The following NBEAL1 variants were observed in gnomAD, a reference collection of about 807,000 sequenced individuals.
The protein encoded by NBEAL1 is neurobeachin like 1.
NBEAL1 carries 273 observed loss-of-function variants against 351.3 expected under a neutral mutation model. The observed-to-expected ratio is 0.78, with a 90% CI of 0.70 to 0.86. The LOEUF (loss-of-function observed/expected upper bound fraction) is 0.86. NBEAL1 is among the 40% of genes least tolerant of loss of function. NBEAL1 has a pLI of 0.00. For missense variants in NBEAL1, 2,961 were observed against 3,201.3 expected (o/e 0.92, Z 1.81); for synonymous variants, 1,050 against 1,086.4 (o/e 0.97, Z 0.66).
intron 10 of NBEAL1, among the ~76,000 whole-genome samples, chr2:203,097,140 T>A (rs181589147): frequency 2.7e-4 from 41 of 152,294 alleles, no homozygotes; most frequent in African/African-American, 9.6e-4. Context: ...CTAATGAGAC[T>A]TATTCACTTA....
chr2:203,048,252 C>T (rs913221535), intron 3 of NBEAL1, among the ~76,000 whole-genome samples: 4 of 151,614 alleles, frequency 2.6e-5, no homozygotes, highest in African/African-American at 9.7e-5. Context: ...TGTGGTGGCA[C>T]GTGCCTGTAA....
chr2:203,114,365 T>G (rs947227948), intron 17 of NBEAL1, among the ~76,000 whole-genome samples: 2 of 152,346 alleles, frequency 1.3e-5, no homozygotes, highest in South Asian at 2.1e-4. Flanking sequence ...TGTAACTGCT[T>G]CCAAAATCAT....
In NBEAL1 at chr2:203,167,177, A is replaced by G. The variant is rs773551453; in HGVS notation, c.5864-50A>G. 14 of 1,537,832 alleles carry G rather than the reference A, an allele frequency of 9.1e-6. No individual in the cohort carries two copies. In the South Asian group the frequency reaches 1.0e-4, roughly 11 times the overall value. ...AACTAAGAGGTATTTTCTACTTAGC[A>G]TGAGTAACTTTATATGGTATCTCAG... On this transcript the variant is annotated intron_variant, in intron 37 of 55. Coordinates refer to ENST00000683969, the MANE Select transcript of NBEAL1 (RefSeq NM_001378026.1).
chr2:203,160,816 T>C (rs1350205908), intron 36 of NBEAL1, among the ~76,000 whole-genome samples: 1 of 152,188 alleles, frequency 6.6e-6, no homozygotes, highest in Admixed American at 6.5e-5. Context: ...GTTTTGTTTT[T>C]TGTTGTAAAA....
chr2:203,131,259 A>G (rs1278134783), intron 25 of NBEAL1, among the ~76,000 whole-genome samples: 1 of 152,218 alleles, frequency 6.6e-6, no homozygotes, highest in African/African-American at 2.4e-5. Context: ...TCTGTCGCCT[A>G]GGCTGGAGTG....
intron 3 of NBEAL1, among the ~76,000 whole-genome samples, chr2:203,046,096 C>T (rs1379008549): frequency 6.6e-6 from 1 of 152,030 alleles, no homozygotes; most frequent in Non-Finnish European, 1.5e-5. Context: ...GGGAGGCTAG[C>T]TTAAGGCCAG....
intron 51 of NBEAL1, among the ~76,000 whole-genome samples, chr2:203,206,955 A>T (rs900061800): frequency 7.2e-4 from 102 of 141,014 alleles, no homozygotes; most frequent in African/African-American, 2.7e-3. Context: ...CCCGGCCGCC[A>T]TCCCAACTAG....
intron 43 of NBEAL1, chr2:203,182,151 A>G (rs2064737537): frequency 6.6e-6 from 1 of 152,240 alleles, no homozygotes; most frequent in African/African-American, 2.4e-5. Context: ...TTGTGCAAAC[A>G]AGGAAATTTT....
intron 12 of NBEAL1, among the ~76,000 whole-genome samples, chr2:203,103,974 G>C (rs1420681543): frequency 6.6e-6 from 1 of 152,140 alleles, no homozygotes; most frequent in Non-Finnish European, 1.5e-5. Context: ...AGTGTAGTTG[G>C]TATGATTTTG....
chr2:203,126,206 T>TATCC, intron 21 of NBEAL1, 113 bp downstream of exon 21: 7 of 1,074,506 alleles, frequency 6.5e-6, no homozygotes, highest in African/African-American at 1.6e-5. Context: ...ACTTGAATTA[T>TATCC]ATTAATGGAT....
Position 203,167,314 on chromosome 2 carries a change from T to G in NBEAL1, c.5951T>G (p.Ile1984Ser), listed in dbSNP as rs1415380475. The G allele has an allele frequency of 7.4e-6, 12 of 1,612,908 alleles. No individual in the cohort carries two copies. Among genetic ancestry groups the G allele is most frequent in the Non-Finnish European group, 9.3e-6 (11 of 1,179,522 alleles). The change falls in exon 38 of 56, where the codon ATT becomes AGT. Residue 1984 changes from isoleucine (I) to serine (S), a missense_variant. Ile to Ser is a moderately radical substitution (Grantham distance 142). Coordinates refer to ENST00000683969, the MANE Select transcript of NBEAL1 (RefSeq NM_001378026.1). Reference protein sequence around the residue: ...RYNLRRSALEIFHVDQSNYFL... With the variant: ...RYNLRRSALESFHVDQSNYFL... ...AATTTAAGAAGATCAGCCCTTGAGATTTTTCATGTTGACCAATCCAACTAC... is the reference window on the plus strand; with the variant it reads ...AATTTAAGAAGATCAGCCCTTGAGAGTTTTCATGTTGACCAATCCAACTAC...
rs748737345 is a variant in NBEAL1, at chr2:203,209,154, T to C, written c.7624-7T>C. 6.2e-7 allele frequency: 1 copy of C among 1,604,990 alleles called. No homozygotes were observed. Among genetic ancestry groups the C allele is most frequent in the Non-Finnish European group, 8.5e-7 (1 of 1,172,874 alleles). ...CTTTTTCATTTTCTGATATATCCTG[T>C]GTGTAGGATGGAACGGTGATTATAC... On this transcript the variant is annotated splice_polypyrimidine_tract_variant and splice_region_variant and intron_variant, in intron 52 of 55. Transcript: ENST00000683969.
At chr2:203,125,829 C>T in intron 20 of NBEAL1, 131 bp from the exon 21 acceptor site, 1 of 729,112 alleles carries the variant, frequency 1.4e-6, no homozygotes, top group Non-Finnish European at 2.1e-6. Flanking sequence ...TTCTATTGTA[C>T]AATAGAGCGT....
intron 36 of NBEAL1, among the ~76,000 whole-genome samples, chr2:203,164,445 T>TC (rs1280231262): frequency 6.6e-6 from 1 of 152,068 alleles, no homozygotes; most frequent in Admixed American, 6.6e-5. Flanking sequence ...ATTTTTTTTT[T>TC]CTTTCTTTGA....
intron 8 of NBEAL1, among the ~76,000 whole-genome samples, chr2:203,079,685 A>G (rs933828525): frequency 1.3e-5 from 2 of 152,190 alleles, no homozygotes; most frequent in Non-Finnish European, 2.9e-5. Flanking sequence ...TAATTTAAAA[A>G]ACTTAGAAAC....
Position 203,016,318 on chromosome 2 carries a change from T to A in NBEAL1, c.-67T>A. The A allele has an allele frequency of 8.8e-7, 1 of 1,136,358 alleles. No individual in the cohort carries two copies. Among genetic ancestry groups the A allele is most frequent in the South Asian group, 1.8e-5 (1 of 56,728 alleles). 70.4% of individuals were successfully genotyped at this position (1,136,358 alleles called of 1,614,324 possible). On this transcript the variant is annotated 5_prime_UTR_variant, in exon 2 of 56. It removes an upstream start codon present in the reference 5' UTR. Transcript: ENST00000683969. ...CGGCTGAAAAACTTGGAAAATAAAA[T>A]GGACATGCTGTAGTCTTGAACATAA... is the stretch of plus-strand genomic sequence containing the variant.
At chr2:203,175,586 G>A (rs2064475444) in intron 42 of NBEAL1, among the ~76,000 whole-genome samples, 2 of 152,180 alleles carry the variant, frequency 1.3e-5, no homozygotes, top group African/African-American at 4.8e-5. Flanking sequence ...TCACCGGAGA[G>A]TCAAACCAAT....
intron 6 of NBEAL1, among the ~76,000 whole-genome samples, chr2:203,057,779 C>G (rs545236186): frequency 1.3e-5 from 2 of 149,026 alleles, no homozygotes; most frequent in Non-Finnish European, 3.0e-5. Context: ...CTTTATAATT[C>G]GAAAATGCTT....
rs190486073 is a variant in NBEAL1 at position 203,023,892 on chromosome 2, A to C, written c.51+7457A>C. 5.4e-3 allele frequency among the ~76,000 whole-genome samples: 829 copies of C among 152,330 alleles called. 8 individuals carry two copies. Among genetic ancestry groups the C allele is most frequent in the African/African-American group, 0.019 (790 of 41,570 alleles). On this transcript the variant is annotated intron_variant, in intron 2 of 55. Coordinates refer to ENST00000683969, the MANE Select transcript of NBEAL1 (RefSeq NM_001378026.1). The stretch of plus-strand genomic sequence containing the variant: ...TGAAGAACATTGTCATTTAAGAAGA[A>C]GACAGAGTTTTGGAACCAGTCTGGG...
Sources: allele counts gnomAD v4.1 joint callset (sites outside exome capture counted in the v4.1 genomes callset), GRCh38; gene constraint gnomAD v4.1.1; transcripts MANE v1.5; gene names NCBI Gene and HGNC (gene_info 2026-07-23, HGNC 2026-07-21).